ARHGAP39: variants seen among roughly 807,000 people sequenced by gnomAD.
The protein encoded by ARHGAP39 is rho GTPase-activating protein 39.
A neutral mutation model predicts 106.9 loss-of-function variants in ARHGAP39; 44 were observed. The ratio of observed to expected loss-of-function variants is 0.41; its 90% CI spans 0.32 to 0.53. The LOEUF (loss-of-function observed/expected upper bound fraction) is 0.53, where lower values mean the gene tolerates loss of function less well. Among genes scored for constraint, ARHGAP39 ranks in the 20% least tolerant of loss-of-function variants. ARHGAP39 has a pLI of 0.21. For synonymous variants in ARHGAP39, 768 were observed against 693.2 expected, an observed-to-expected ratio of 1.11 and a Z score of -1.69; for missense variants, 1,496 against 1,577.3, an observed-to-expected ratio of 0.95 and a Z score of 0.87.
intron 1 of ARHGAP39, among the ~76,000 whole-genome samples, chr8:144,626,842 G>C (rs1820930628): frequency 6.6e-6 from 1 of 152,182 alleles, no homozygotes; most frequent in African/African-American, 2.4e-5. Flanking sequence ...CCTGACACTT[G>C]AGTGGGGCTC....
chr8:144,598,291 C>G (rs1434576813), intron 2 of ARHGAP39, among the ~76,000 whole-genome samples: 1 of 152,212 alleles, frequency 6.6e-6, no homozygotes, highest in Non-Finnish European at 1.5e-5. Context: ...AAACTCGGAA[C>G]CCAGCCGTGG....
chr8:144,560,800 C>T lies in ARHGAP39; in HGVS notation c.513-5157G>A, dbSNP rs143816019. Among the ~76,000 whole-genome samples, 332 of 152,292 alleles carry T rather than the reference C, an allele frequency of 2.2e-3. 1 individual carries two copies. Among genetic ancestry groups the T allele is most frequent in the African/African-American group, 7.5e-3 (313 of 41,568 alleles). On this transcript the variant is annotated intron_variant, in intron 3 of 11. Coordinates refer to ENST00000377307, the MANE Select transcript of ARHGAP39 (RefSeq NM_025251.3). ...CGTCAACACTACTAGAGCAAGTACT[C>T]GTCACAACAGACTCAACTTACACAA...
At position 144,585,966 on chromosome 8, in the gene ARHGAP39, C is replaced by T. The variant is rs920281715; in HGVS notation, c.81-4689G>A. Among the ~76,000 whole-genome samples the T allele has an allele frequency of 3.3e-5, 5 of 152,120 alleles. No individual in the cohort carries two copies. The East Asian group carries it at 9.7e-4, about 29-fold the overall frequency. On this transcript the variant is annotated intron_variant, in intron 2 of 11. Transcript: ENST00000377307. The surrounding 1 kb of genome is among the most constrained non-coding windows in gnomAD (Gnocchi z 4.6). ...AGGCTCTCCACTCTTGTTACCTGAC[C>T]CCCGTGACTCAGGGTAGTTTTTTAG...
chr8:144,563,304 G>T (rs2130872524), intron 3 of ARHGAP39, among the ~76,000 whole-genome samples: 1 of 152,342 alleles, frequency 6.6e-6, no homozygotes, highest in South Asian at 2.1e-4. Context: ...GCACTCTCAT[G>T]ACTCAGCCAT....
intron 4 of ARHGAP39, among the ~76,000 whole-genome samples, chr8:144,552,365 CG>C (rs1817739325): frequency 6.6e-6 from 1 of 152,268 alleles, no homozygotes; most frequent in Non-Finnish European, 1.5e-5. Flanking sequence ...AGAGCCTGGA[CG>C]GAGCTGGGAG....
intron 3 of ARHGAP39, among the ~76,000 whole-genome samples, chr8:144,563,210 G>A (rs777143115): frequency 2.6e-5 from 4 of 152,182 alleles, no homozygotes; most frequent in Non-Finnish European, 4.4e-5. Flanking sequence ...TATGTTTATT[G>A]TGTTTTTCAT....
intron 1 of ARHGAP39, among the ~76,000 whole-genome samples, chr8:144,648,494 A>G (rs1305041550): frequency 6.6e-6 from 1 of 152,230 alleles, no homozygotes; most frequent in Non-Finnish European, 1.5e-5. Flanking sequence ...CAGAAAGAAA[A>G]CAGCCTAGGA....
chr8:144,621,196 C>T (rs1369278435), intron 1 of ARHGAP39, among the ~76,000 whole-genome samples: 1 of 152,288 alleles, frequency 6.6e-6, no homozygotes, highest in Admixed American at 6.5e-5. Context: ...GCAGGCCAAC[C>T]AGTGCCCTCT....
At chr8:144,692,789 T>C in the ARHGAP39 span, among the ~76,000 whole-genome samples, 8 of 147,704 alleles carry the variant, frequency 5.4e-5, no homozygotes, top group Non-Finnish European at 1.0e-4. Context: ...GACGGAGATT[T>C]ACTCTTGTCC....
chr8:144,592,284 G>A (rs1819434243), intron 2 of ARHGAP39, among the ~76,000 whole-genome samples: 2 of 147,602 alleles, frequency 1.4e-5, no homozygotes, highest in African/African-American at 5.0e-5. Context: ...ACCTCCTGGG[G>A]GACAGCACTG....
Position 144,605,704 on chromosome 8 carries a change from G to A in ARHGAP39, c.-81-9C>T. The A allele has an allele frequency of 2.3e-6, 3 of 1,310,118 alleles. No individual in the cohort carries two copies. The highest frequency in any genetic ancestry group is 2.4e-5 in the South Asian group (2 of 83,744). 81.2% of individuals were successfully genotyped at this position (1,310,118 alleles called of 1,614,324 possible). A position where few individuals can be genotyped will look rare whatever the true frequency, so the allele number is the denominator to read the frequency against. On this transcript the variant is annotated splice_polypyrimidine_tract_variant and intron_variant, in intron 1 of 11. Transcript: ENST00000377307. ...GACGGGAAGGTGCCGCACTGCAAGA[G>A]GGGAGAAGCAACAGTGCTGATATGG...
chr8:144,580,701 C>T, intron 3 of ARHGAP39, 145 bp downstream of exon 3: 4 of 1,064,474 alleles, frequency 3.8e-6, no homozygotes, highest in Non-Finnish European at 5.2e-6. Context: ...CCCACCATAC[C>T]CGACCTACTC....
At chr8:144,561,264 C>T (rs143977710) in intron 3 of ARHGAP39, among the ~76,000 whole-genome samples, 3,018 of 129,312 alleles carry the variant, frequency 0.023, 76 homozygotes, top group Admixed American at 0.066. Context: ...TCCATCAGAC[C>T]CCAGTGGTTT....
chr8:144,533,927 C>G (rs558546353), intron 8 of ARHGAP39, among the ~76,000 whole-genome samples: 1 of 152,210 alleles, frequency 6.6e-6, no homozygotes, highest in African/African-American at 2.4e-5. Flanking sequence ...GGTCCGGGCC[C>G]AGGAAGAGCC....
At chr8:144,553,849 T>C (rs1180971320) in intron 4 of ARHGAP39, among the ~76,000 whole-genome samples, 1 of 152,126 alleles carries the variant, frequency 6.6e-6, no homozygotes, top group Non-Finnish European at 1.5e-5. Context: ...CAAGGCCTCT[T>C]CTCCCCGCCC....
At chr8:144,621,715 G>A (rs947210913) in intron 1 of ARHGAP39, among the ~76,000 whole-genome samples, 5 of 152,230 alleles carry the variant, frequency 3.3e-5, no homozygotes, top group African/African-American at 1.2e-4. Context: ...CTACTCAGGA[G>A]GCTGAGGTGG....
chr8:144,666,224 T>C (rs1262367446), intron 1 of ARHGAP39, among the ~76,000 whole-genome samples: 1 of 152,182 alleles, frequency 6.6e-6, no homozygotes, highest in African/African-American at 2.4e-5. Flanking sequence ...TGTACCCCCA[T>C]TGTATCTTGG....
intron 3 of ARHGAP39, among the ~76,000 whole-genome samples, chr8:144,559,380 A>AAC (rs1415145145): frequency 6.6e-6 from 1 of 150,596 alleles, no homozygotes; most frequent in African/African-American, 2.4e-5. Context: ...AAAAAAAAAA[A>AAC]AAGCTACATA....
chr8:144,640,878 T>C (rs1821296580), intron 1 of ARHGAP39, among the ~76,000 whole-genome samples: 1 of 152,190 alleles, frequency 6.6e-6, no homozygotes, highest in Non-Finnish European at 1.5e-5. Flanking sequence ...AGCCACGTTT[T>C]CCGATTCACA....
Sources: allele counts gnomAD v4.1 joint callset (sites outside exome capture counted in the v4.1 genomes callset), GRCh38; gene constraint gnomAD v4.1.1; non-coding constraint Gnocchi (gnomAD v3.1); transcripts MANE v1.5; gene names NCBI Gene and HGNC (gene_info 2026-07-23, HGNC 2026-07-21).